Variants in SIPA1L3 observed in about 807,000 individuals in gnomAD.
SIPA1L3 encodes the protein signal induced proliferation associated 1 like 3.
Under a neutral mutation model 150.1 loss-of-function variants are expected in SIPA1L3, and 59 were observed. The ratio of observed to expected loss-of-function variants is 0.39; its 90% CI spans 0.32 to 0.49. The LOEUF is 0.49. Among genes scored for constraint, SIPA1L3 ranks in the 20% least tolerant of loss-of-function variants. The pLI is 0.86. For missense variants in SIPA1L3, 2,211 were observed against 2,489.5 expected, an observed-to-expected ratio of 0.89 and a Z score of 2.38; for synonymous variants, 1,070 against 1,077.6, an observed-to-expected ratio of 0.99 and a Z score of 0.14.
chr19:38,195,614 G>A (rs145824732), intron 18 of SIPA1L3, among the ~76,000 whole-genome samples: 9 of 152,270 alleles, frequency 5.9e-5, no homozygotes, highest in African/African-American at 1.2e-4. Flanking sequence ...TGCAAAGGAC[G>A]GGGACAGCGG....
At chr19:37,949,468 C>A (rs1268976408) in intron 1 of SIPA1L3, among the ~76,000 whole-genome samples, 1 of 152,132 alleles carries the variant, frequency 6.6e-6, no homozygotes, top group African/African-American at 2.4e-5. Flanking sequence ...GAGTTCAAGA[C>A]CAGCCTGGCC....
chr19:38,163,065 T>G (rs908223578), intron 14 of SIPA1L3, among the ~76,000 whole-genome samples: 1 of 152,110 alleles, frequency 6.6e-6, no homozygotes, highest in East Asian at 1.9e-4. Context: ...CAGTGGGTGT[T>G]TGACAAGCGC....
At chr19:38,071,108 T>C (rs1447678260) in intron 2 of SIPA1L3, among the ~76,000 whole-genome samples, 2 of 152,206 alleles carry the variant, frequency 1.3e-5, no homozygotes, top group Non-Finnish European at 2.9e-5. Flanking sequence ...AAGCAGGCCC[T>C]GCTTGCCTTG....
At chr19:38,117,230 T>C (rs970489972) in intron 8 of SIPA1L3, among the ~76,000 whole-genome samples, 3 of 152,196 alleles carry the variant, frequency 2.0e-5, no homozygotes, top group East Asian at 1.9e-4. Flanking sequence ...GGAAGTGCCA[T>C]GTGGACTGTG....
intron 10 of SIPA1L3, chr19:38,131,550 ATT>A (rs1971306757): frequency 1.3e-5 from 2 of 153,418 alleles, no homozygotes; most frequent in African/African-American, 4.9e-5. Context: ...CATGGGTTTT[ATT>A]CCATGCTTGG....
intron 12 of SIPA1L3, 117 bp downstream of exon 12, chr19:38,142,827 C>A: frequency 7.7e-7 from 1 of 1,303,004 alleles, no homozygotes; most frequent in Non-Finnish European, 1.1e-6. Context: ...GTTTCTGGAC[C>A]CCTGAAGGTC....
intron 1 of SIPA1L3, among the ~76,000 whole-genome samples, chr19:37,959,941 G>T (rs1326569651): frequency 6.7e-6 from 1 of 150,004 alleles, no homozygotes; most frequent in African/African-American, 2.5e-5. Flanking sequence ...CTCTAATATA[G>T]TTTCATTTTC....
intron 1 of SIPA1L3, among the ~76,000 whole-genome samples, chr19:38,019,948 C>G (rs1172968476): frequency 6.6e-6 from 1 of 151,972 alleles, no homozygotes; most frequent in East Asian, 1.9e-4. Context: ...AAAGCATTAC[C>G]CAGGTGTGGT....
chr19:38,025,005 A>G (rs1968468816), intron 1 of SIPA1L3, among the ~76,000 whole-genome samples: 1 of 152,174 alleles, frequency 6.6e-6, no homozygotes, highest in Non-Finnish European at 1.5e-5. Context: ...TCTCAGGTTT[A>G]ACTTAATTCT....
At chr19:38,003,259 G>A (rs555271069) in intron 1 of SIPA1L3, among the ~76,000 whole-genome samples, 126 of 152,330 alleles carry the variant, frequency 8.3e-4, no homozygotes, top group African/African-American at 3.0e-3. Flanking sequence ...CCCTGGTGGA[G>A]CCCACAGCCA....
chr19:38,116,868 A>G (rs936576768), intron 8 of SIPA1L3, among the ~76,000 whole-genome samples: 4 of 152,130 alleles, frequency 2.6e-5, no homozygotes, highest in Non-Finnish European at 4.4e-5. Context: ...AATAATAATA[A>G]TAGAAGAAAC....
intron 1 of SIPA1L3, among the ~76,000 whole-genome samples, chr19:37,971,050 G>GT (rs899520659): frequency 5.7e-4 from 86 of 150,898 alleles, no homozygotes; most frequent in Non-Finnish European, 8.7e-4. Flanking sequence ...AGGCAGTTGT[G>GT]TTTTTTTTTG....
intron 10 of SIPA1L3, among the ~76,000 whole-genome samples, chr19:38,132,331 G>A (rs910719002): frequency 3.3e-5 from 5 of 151,548 alleles, no homozygotes; most frequent in East Asian, 2.0e-4. Flanking sequence ...AGGCCGAGGC[G>A]GGCGGATCAC....
chr19:37,994,533 A>G (rs1175419745), intron 1 of SIPA1L3, among the ~76,000 whole-genome samples: 1 of 152,132 alleles, frequency 6.6e-6, no homozygotes, highest in Non-Finnish European at 1.5e-5. Context: ...AGGTCTGAGC[A>G]CAGCCACTCT....
At chr19:38,201,756 G>A in intron 19 of SIPA1L3, 106 bp from the exon 20 acceptor site, 3 of 1,295,326 alleles carry the variant, frequency 2.3e-6, no homozygotes, top group South Asian at 3.0e-5. Flanking sequence ...TGTCCCAAGT[G>A]TGATAGGAGG....
intron 10 of SIPA1L3, among the ~76,000 whole-genome samples, chr19:38,131,923 C>A (rs889395491): frequency 1.3e-5 from 2 of 151,794 alleles, no homozygotes; most frequent in South Asian, 4.1e-4. Flanking sequence ...TGAGCCACTG[C>A]GTCCAGCCAA....
intron 16 of SIPA1L3, among the ~76,000 whole-genome samples, chr19:38,191,130 G>A (rs1423944254): frequency 6.6e-6 from 1 of 152,212 alleles, no homozygotes; most frequent in Non-Finnish European, 1.5e-5. Context: ...TTATAAGCTG[G>A]GCATGGTGGC....
At chr19:38,068,010 G>GA (rs1294001574) in intron 2 of SIPA1L3, among the ~76,000 whole-genome samples, 1 of 148,640 alleles carries the variant, frequency 6.7e-6, no homozygotes, top group Non-Finnish European at 1.5e-5. Context: ...ACATAGAGGG[G>GA]AAAAATCAGA....
intron 2 of SIPA1L3, among the ~76,000 whole-genome samples, chr19:38,039,327 C>T (rs532330588): frequency 3.4e-5 from 5 of 146,214 alleles, no homozygotes; most frequent in South Asian, 4.3e-4. Context: ...AAATGCCATA[C>T]GTGCCCCAAA....
Sources: gnomAD v4.1 joint callset for allele counts (sites outside exome capture counted in the v4.1 genomes callset) on GRCh38, gnomAD v4.1.1 for gene constraint, MANE v1.5 for transcripts, NCBI Gene and HGNC (gene_info 2026-07-23, HGNC 2026-07-21) for gene names.